SPOCK1: variants seen among roughly 807,000 people sequenced by gnomAD.
The protein encoded by SPOCK1 is testican-1.
In SPOCK1, 23 loss-of-function variants were observed where a neutral mutation model predicts 55.3. That is an observed-to-expected ratio of 0.42 (90% CI 0.30 to 0.59). The LOEUF (loss-of-function observed/expected upper bound fraction) is 0.59, where lower values mean the gene tolerates loss of function less well. Ranked by LOEUF, SPOCK1 falls within the 20% of genes least tolerant of loss-of-function variation. The probability of loss-of-function intolerance (pLI) is 0.22; values close to 1 mark genes in which losing one functional copy is unlikely to be tolerated. For missense variants in SPOCK1, 499 were observed against 552.5 expected (o/e 0.90, Z 0.97); for synonymous variants, 226 against 221.0 (o/e 1.02, Z -0.20).
chr5:137,279,176 G>T (rs1470470872), intron 2 of SPOCK1, among the ~76,000 whole-genome samples: 1 of 152,190 alleles, frequency 6.6e-6, no homozygotes, highest in African/African-American at 2.4e-5. Flanking sequence ...AAAGCATACT[G>T]CACTCTCTCT....
intron 2 of SPOCK1, among the ~76,000 whole-genome samples, chr5:137,357,470 G>A (rs1222939531): frequency 6.6e-6 from 1 of 152,160 alleles, no homozygotes; most frequent in Non-Finnish European, 1.5e-5. Context: ...CATGTTCAAG[G>A]TCAGTGGGAA....
At chr5:137,231,340 C>A (rs1326202952) in intron 3 of SPOCK1, among the ~76,000 whole-genome samples, 2 of 152,208 alleles carry the variant, frequency 1.3e-5, no homozygotes, top group African/African-American at 4.8e-5. Flanking sequence ...AGCCACCGCA[C>A]CCGGCTGGTG....
chr5:137,476,365 G>A (rs1227934299), intron 2 of SPOCK1, among the ~76,000 whole-genome samples: 1 of 152,132 alleles, frequency 6.6e-6, no homozygotes. Context: ...CACATCAGCT[G>A]TACCCTTTTC....
chr5:137,138,530 A>ACACACAC (rs1580771246), intron 4 of SPOCK1, among the ~76,000 whole-genome samples: 1 of 125,432 alleles, frequency 8.0e-6, no homozygotes, highest in Non-Finnish European at 1.8e-5. Flanking sequence ...CACACACACC[A>ACACACAC]CACACACATG....
intron 3 of SPOCK1, among the ~76,000 whole-genome samples, chr5:137,249,638 G>A (rs73296735): frequency 0.055 from 8,371 of 152,198 alleles, 406 homozygotes; most frequent in East Asian, 0.13. Context: ...TGCCTTTTAT[G>A]TACTTTTGAA....
chr5:137,422,148 A>G (rs1166952480), intron 2 of SPOCK1, among the ~76,000 whole-genome samples: 2 of 152,180 alleles, frequency 1.3e-5, no homozygotes, highest in Non-Finnish European at 2.9e-5. Flanking sequence ...TGGCTTATAG[A>G]GTTTCTGCCG....
chr5:137,039,284 TTTTTTTTTTTTTTTG>T (rs1489928958), intron 6 of SPOCK1, among the ~76,000 whole-genome samples: 1 of 112,830 alleles, frequency 8.9e-6, no homozygotes, highest in African/African-American at 5.0e-5. Flanking sequence ...TTTTTTTTTT[TTTTTTTTTTTTTTTG>T]TTGTTGCAAC....
intron 2 of SPOCK1, among the ~76,000 whole-genome samples, chr5:137,313,190 AG>A (rs1490116729): frequency 6.6e-6 from 1 of 152,164 alleles, no homozygotes; most frequent in African/African-American, 2.4e-5. Flanking sequence ...CTCTCCTAAA[AG>A]CCCAGTGGAG....
chr5:137,498,266 C>CA (rs1554083902), intron 2 of SPOCK1, 107 bp downstream of exon 2: 4 of 796,380 alleles, frequency 5.0e-6, no homozygotes, highest in African/African-American at 1.9e-5. Flanking sequence ...CCCCTCCCAA[C>CA]CACACACACA....
rs377436199 is a variant in SPOCK1 at position 137,381,993 on chromosome 5, A to C, written c.187-114938T>G. ...TTAAATATTAGTTCCAGTTTCAGAT[A>C]ATCTCTTTCTTCACACATACGAGCA... On this transcript the variant is annotated intron_variant, in intron 2 of 10. Transcript: ENST00000394945. Among the ~76,000 whole-genome samples, 18 of 152,294 alleles carry C rather than the reference A, an allele frequency of 1.2e-4. No individual in the cohort carries two copies. In the South Asian group the frequency reaches 1.7e-3, roughly 14 times the overall value.
chr5:137,068,772 C>T (rs181179363), intron 5 of SPOCK1, among the ~76,000 whole-genome samples: 1 of 152,196 alleles, frequency 6.6e-6, no homozygotes, highest in Non-Finnish European at 1.5e-5. Context: ...ATACAGACAT[C>T]CCATACTGAA....
intron 4 of SPOCK1, among the ~76,000 whole-genome samples, chr5:137,115,198 C>T (rs1753554732): frequency 6.6e-6 from 1 of 152,038 alleles, no homozygotes; most frequent in African/African-American, 2.4e-5. Flanking sequence ...GGGGGAGTCC[C>T]TATGTGCTGA....
chr5:137,357,582 G>A (rs1052205327), intron 2 of SPOCK1, among the ~76,000 whole-genome samples: 1 of 152,186 alleles, frequency 6.6e-6, no homozygotes, highest in Non-Finnish European at 1.5e-5. Context: ...ACGAGTAGGA[G>A]TTGCCAGGCA....
chr5:137,204,746 G>T (rs1755489942), intron 3 of SPOCK1, among the ~76,000 whole-genome samples: 1 of 152,152 alleles, frequency 6.6e-6, no homozygotes, highest in Admixed American at 6.5e-5. Context: ...AAACCCTTGA[G>T]CAGCTTCATC....
intron 9 of SPOCK1, among the ~76,000 whole-genome samples, chr5:136,981,738 C>A (rs540382742): frequency 5.6e-4 from 86 of 152,260 alleles, no homozygotes; most frequent in African/African-American, 2.1e-3. Flanking sequence ...CATTCAATGC[C>A]TAGATTCAGG....
At chr5:137,294,488 A>G (rs556552285) in intron 2 of SPOCK1, among the ~76,000 whole-genome samples, 1 of 152,364 alleles carries the variant, frequency 6.6e-6, no homozygotes, top group African/African-American at 2.4e-5. Flanking sequence ...TCCAACACCC[A>G]TGCTGTCTCC....
intron 6 of SPOCK1, among the ~76,000 whole-genome samples, chr5:137,026,087 C>T (rs1354847526): frequency 6.6e-6 from 1 of 152,204 alleles, no homozygotes. Flanking sequence ...ATTCTATATA[C>T]CTGAGGTCAT....
intron 3 of SPOCK1, among the ~76,000 whole-genome samples, chr5:137,237,095 T>C (rs188754495): frequency 1.5e-3 from 235 of 152,322 alleles, no homozygotes; most frequent in African/African-American, 5.4e-3. Flanking sequence ...AAATCAGCGA[T>C]GCCAATGGAA....
intron 3 of SPOCK1, among the ~76,000 whole-genome samples, chr5:137,202,668 G>A (rs1755448033): frequency 6.6e-6 from 1 of 152,178 alleles, no homozygotes; most frequent in Non-Finnish European, 1.5e-5. Context: ...GTGTTCACAG[G>A]CTGAAACAGC....
Sources: allele counts gnomAD v4.1 joint callset (sites outside exome capture counted in the v4.1 genomes callset), GRCh38; gene constraint gnomAD v4.1.1; transcripts MANE v1.5; gene names NCBI Gene and HGNC (gene_info 2026-07-23, HGNC 2026-07-21).